The following CROCC2 variants were observed in gnomAD, a reference collection of about 807,000 sequenced individuals.
CROCC2 encodes the protein ciliary rootlet coiled-coil protein 2.
CROCC2 carries 163 observed loss-of-function variants against 177.6 expected under a neutral mutation model. The ratio of observed to expected loss-of-function variants is 0.92; its 90% confidence interval spans 0.81 to 1.05. CROCC2 has a LOEUF of 1.05. Ranked by LOEUF, CROCC2 falls within the 50% of genes least tolerant of loss-of-function variation. The pLI is 0.00. For missense variants in CROCC2, 1,929 were observed against 1,797.8 expected, an observed-to-expected ratio of 1.07 and a Z score of -1.32; for synonymous variants, 904 against 787.3, an observed-to-expected ratio of 1.15 and a Z score of -2.48.
At chr2:240,952,734 C>T (rs923909415) in intron 18 of CROCC2, among the ~76,000 whole-genome samples, 9 of 152,246 alleles carry the variant, frequency 5.9e-5, no homozygotes, top group South Asian at 2.1e-4. Flanking sequence ...GGGCCTTGGG[C>T]GCCAGCATCA....
intron 5 of CROCC2, among the ~76,000 whole-genome samples, chr2:240,927,076 T>A (rs1432106516): frequency 6.6e-6 from 1 of 152,266 alleles, no homozygotes; most frequent in Non-Finnish European, 1.5e-5. Context: ...CTGTTCTCAC[T>A]GGTTGACAGC....
At chr2:240,988,038 C>CT (rs1374276648) in intron 28 of CROCC2, among the ~76,000 whole-genome samples, 2 of 152,234 alleles carry the variant, frequency 1.3e-5, no homozygotes, top group Admixed American at 1.3e-4. Flanking sequence ...AGATTCAATC[C>CT]TTTCCTCCAG....
At chr2:240,937,159 T>G (rs1297963198) in intron 14 of CROCC2, among the ~76,000 whole-genome samples, 1 of 152,234 alleles carries the variant, frequency 6.6e-6, no homozygotes, top group African/African-American at 2.4e-5. Flanking sequence ...CTCCTCTGCC[T>G]TCTCGACATT....
rs768462684 is a variant in CROCC2, at chr2:240,949,593, C to T, written c.2543C>T (p.Thr848Met). ...CAGGAAATGAAGCTGCGGCAGGACA[C>T]GGTGCGGCTCCAGCGACAGGTGGCA... ...EVQEMKLRQD[T>M]VRLQRQVAQQ... is the part of the protein sequence containing the mutation. The change falls in exon 17 of 32, where the codon ACG (threonine) becomes ATG (methionine). Residue 848 changes from threonine (T) to methionine (M), a missense_variant. This residue lies in a region of CROCC2 where 1,397 missense variants were observed against 1,239.9 expected (regional missense o/e 1.13). Transcript: ENST00000690015. The surrounding 1 kb of genome is among the most constrained non-coding windows in gnomAD (Gnocchi z 4.5). 103 of 1,550,402 alleles carry T rather than the reference C, an allele frequency of 6.6e-5. 1 individual carries two copies. Among genetic ancestry groups the T allele is most frequent in the Admixed American group, 2.0e-4 (10 of 50,986 alleles).
chr2:240,956,360 A>T lies in CROCC2; in HGVS notation c.2943+388A>T, dbSNP rs2059590308. 2.7e-5 allele frequency: 6 copies of T among 219,292 alleles called. No individual in the cohort carries two copies. In the South Asian group the frequency reaches 5.9e-4, roughly 21 times the overall value. 13.6% of individuals were successfully genotyped at this position (219,292 alleles called of 1,614,324 possible). ...GGGACATGAGCACCAGCCTTGTGGA[A>T]CTCACTCACCAGAGAGATCCTTCCA... On this transcript the variant is annotated intron_variant, in intron 19 of 31. Transcript: ENST00000690015.
chr2:240,934,558 C>G, intron 12 of CROCC2, 83 bp downstream of exon 12: 1 of 1,355,900 alleles, frequency 7.4e-7, no homozygotes, highest in Non-Finnish European at 1.0e-6. Context: ...CTCCCACTCC[C>G]TCTCTCCTGC....
intron 11 of CROCC2, among the ~76,000 whole-genome samples, 175 bp from the exon 12 acceptor site, chr2:240,934,156 G>A (rs1031086345): frequency 6.6e-5 from 10 of 152,056 alleles, no homozygotes; most frequent in Non-Finnish European, 1.2e-4. Context: ...CCCTGCCCCG[G>A]AAATGAAGCC....
rs1466500253 is a variant in CROCC2 at position 240,946,964 on chromosome 2, C to T, written c.2363+711C>T. Among the ~76,000 whole-genome samples the T allele has an allele frequency of 5.3e-5, 8 of 152,230 alleles. No homozygotes were observed. In the East Asian group the frequency reaches 5.8e-4, roughly 11 times the overall value. On this transcript the variant is annotated intron_variant, in intron 15 of 31. Transcript: ENST00000690015. ...TCAGGGCAACTCCCAGAAGTTGGGACGGGCACTCGCAGGCAAGAACAGGAT... is the reference window on the plus strand; with the variant it reads ...TCAGGGCAACTCCCAGAAGTTGGGATGGGCACTCGCAGGCAAGAACAGGAT...
At chr2:240,919,736 G>T (rs1559589929) in intron 2 of CROCC2, among the ~76,000 whole-genome samples, 2 of 135,462 alleles carry the variant, frequency 1.5e-5, no homozygotes. Context: ...CTGGGCCTGG[G>T]TCTGCATTGG....
chr2:240,931,863 G>A (rs1483396556), intron 7 of CROCC2, among the ~76,000 whole-genome samples: 1 of 152,252 alleles, frequency 6.6e-6, no homozygotes, highest in Admixed American at 6.5e-5. Flanking sequence ...ACAGCTGCAG[G>A]GGCAGCACAC....
chr2:240,922,074 G>C (rs1235001182), intron 3 of CROCC2, among the ~76,000 whole-genome samples: 9 of 152,186 alleles, frequency 5.9e-5, no homozygotes, highest in Non-Finnish European at 2.9e-5. Flanking sequence ...GTAGCCCTGT[G>C]ACCTTCCATC....
intron 14 of CROCC2, among the ~76,000 whole-genome samples, chr2:240,943,309 T>C (rs1248152560): frequency 1.3e-5 from 2 of 151,916 alleles, no homozygotes; most frequent in African/African-American, 2.4e-5. Flanking sequence ...TACCATTTTT[T>C]AAAATCGCAA....
At chr2:240,975,713 A>G (rs2059756219) in intron 27 of CROCC2, among the ~76,000 whole-genome samples, 1 of 137,440 alleles carries the variant, frequency 7.3e-6, no homozygotes, top group Non-Finnish European at 1.5e-5. Context: ...GCATCCAACC[A>G]GCCTGCTTTT....
At chr2:240,933,649 C>T (rs1258153282) in intron 10 of CROCC2, 21 bp from the exon 11 acceptor site, 6 of 1,548,866 alleles carry the variant, frequency 3.9e-6, no homozygotes, top group Middle Eastern at 1.7e-4. Flanking sequence ...GCCGCCCCAA[C>T]TCTGCCCCCA....
At chr2:240,928,643 C>T (rs1285798481) in intron 5 of CROCC2, among the ~76,000 whole-genome samples, 1 of 152,334 alleles carries the variant, frequency 6.6e-6, no homozygotes, top group East Asian at 1.9e-4. Flanking sequence ...TCAGCCTGCT[C>T]TTGTGATGAA....
At chr2:240,964,308 G>A in intron 21 of CROCC2, 158 bp from the exon 22 acceptor site, 2 of 854,874 alleles carry the variant, frequency 2.3e-6, no homozygotes, top group African/African-American at 1.7e-5. Flanking sequence ...ACATATGTCT[G>A]TAAGGTGACA....
At chr2:240,930,851 C>T in intron 6 of CROCC2, 80 bp from the exon 7 acceptor site, 1 of 612,572 alleles carries the variant, frequency 1.6e-6, no homozygotes, top group Non-Finnish European at 3.0e-6. Context: ...GGAGGGGGTC[C>T]TCTGTGGGGC....
rs754644701 is a variant in CROCC2 at position 240,950,396 on chromosome 2, G to A, written c.2715G>A (p.Glu905=). The A allele has an allele frequency of 7.1e-6, 11 of 1,550,378 alleles. No homozygotes were observed. The highest frequency in any genetic ancestry group is 8.7e-6 in the Non-Finnish European group (10 of 1,146,842). Residue 905 remains glutamate, a synonymous_variant, in exon 18 of 32, where the codon GAG becomes GAA. Coordinates refer to ENST00000690015, the MANE Select transcript of CROCC2 (RefSeq NM_001351305.2). The stretch of plus-strand genomic sequence containing the variant: ...TAGCCAGATGCCAGCTGGAGCAGGA[G>A]AAGGAGCTGGTGACAAAAAGTGCAG... ...KEVARCQLEQ[E]KELVTKSAAE... is the part of the protein sequence containing the mutation.
At chr2:240,948,845 C>A in intron 15 of CROCC2, 134 bp from the exon 16 acceptor site, 1 of 822,724 alleles carries the variant, frequency 1.2e-6, no homozygotes, top group Non-Finnish European at 2.0e-6. Context: ...AGAGATGCAC[C>A]ATAATTTCTA....
Sources: gnomAD v4.1 joint callset for allele counts (sites outside exome capture counted in the v4.1 genomes callset) on GRCh38, gnomAD v4.1.1 for gene constraint, gnomAD v4.1.1 regional missense constraint, Gnocchi (gnomAD v3.1) non-coding constraint, MANE v1.5 for transcripts, NCBI Gene and HGNC (gene_info 2026-07-23, HGNC 2026-07-21) for gene names.